The following TTLL5 variants were observed in gnomAD, a reference collection of about 807,000 sequenced individuals.
TTLL5 encodes tubulin polyglutamylase TTLL5.
TTLL5 carries 132 observed loss-of-function variants against 168.4 expected under a neutral mutation model. That is an observed-to-expected ratio of 0.78 (90% CI 0.68 to 0.91). The LOEUF (loss-of-function observed/expected upper bound fraction) is 0.91, where lower values mean the gene tolerates loss of function less well. Among genes scored for constraint, TTLL5 ranks in the 40% least tolerant of loss-of-function variants. The pLI is 0.00. For synonymous variants in TTLL5, 546 were observed against 558.6 expected (o/e 0.98, Z 0.32); for missense variants, 1,545 against 1,581.5 (o/e 0.98, Z 0.39).
intron 26 of TTLL5, among the ~76,000 whole-genome samples, chr14:75,783,884 G>A (rs113726855): frequency 6.6e-6 from 1 of 152,088 alleles, no homozygotes. Flanking sequence ...CCCAACATCA[G>A]ACAAGTTAGT....
At chr14:75,807,174 G>C (rs1261686804) in intron 27 of TTLL5, among the ~76,000 whole-genome samples, 1 of 152,176 alleles carries the variant, frequency 6.6e-6, no homozygotes, top group Non-Finnish European at 1.5e-5. Context: ...ATGGCTGGGT[G>C]CAGTGGCGCA....
intron 28 of TTLL5, among the ~76,000 whole-genome samples, chr14:75,845,669 G>A (rs1896505235): frequency 6.6e-6 from 1 of 152,164 alleles, no homozygotes; most frequent in African/African-American, 2.4e-5. Flanking sequence ...TGTGGGTATT[G>A]TTATCCTCGT....
At chr14:75,700,382 T>C (rs1459465431) in intron 7 of TTLL5, among the ~76,000 whole-genome samples, 1 of 152,204 alleles carries the variant, frequency 6.6e-6, no homozygotes, top group African/African-American at 2.4e-5. Flanking sequence ...GCATGTGCCC[T>C]AAGAAGCAAA....
At chr14:75,930,868 A>G (rs1414927322) in intron 31 of TTLL5, among the ~76,000 whole-genome samples, 1 of 152,222 alleles carries the variant, frequency 6.6e-6, no homozygotes, top group African/African-American at 2.4e-5. Flanking sequence ...GCTTAGAGAA[A>G]TATCATCCAT....
intron 27 of TTLL5, among the ~76,000 whole-genome samples, chr14:75,815,721 G>A (rs1395963705): frequency 6.6e-6 from 1 of 152,156 alleles, no homozygotes; most frequent in East Asian, 1.9e-4. Context: ...AATAATTAAG[G>A]GTAACTAGGA....
intron 27 of TTLL5, among the ~76,000 whole-genome samples, chr14:75,802,089 T>C (rs1023861156): frequency 6.6e-6 from 1 of 152,192 alleles, no homozygotes; most frequent in Admixed American, 6.5e-5. Flanking sequence ...CCTTTTCTAA[T>C]AGGTTTAATT....
chr14:75,757,571 A>G (rs908124528), intron 18 of TTLL5, among the ~76,000 whole-genome samples: 1 of 152,230 alleles, frequency 6.6e-6, no homozygotes, highest in African/African-American at 2.4e-5. Flanking sequence ...TAGATAAGCA[A>G]GTACAAATAA....
intron 7 of TTLL5, among the ~76,000 whole-genome samples, chr14:75,702,751 A>G (rs1019682338): frequency 6.6e-5 from 10 of 152,050 alleles, no homozygotes; most frequent in African/African-American, 2.4e-4. Flanking sequence ...GACCCCCTGC[A>G]TAGATCAAAG....
chr14:75,862,678 C>T (rs1006638497), intron 28 of TTLL5, among the ~76,000 whole-genome samples: 10 of 152,280 alleles, frequency 6.6e-5, no homozygotes, highest in South Asian at 4.1e-4. Context: ...CAGTGGCTCA[C>T]GCCTGCAATC....
chr14:75,817,830 C>CTTTTTTTTTTTTTTTTTTTTTTTTTT (rs1045988787), intron 27 of TTLL5, among the ~76,000 whole-genome samples: 3 of 83,870 alleles, frequency 3.6e-5, no homozygotes, highest in African/African-American at 5.1e-5. Flanking sequence ...CTTTTCTTTT[C>CTTTTTTTTTTTTTTTTTTTTTTTTTT]TTTTTTTTTT....
chr14:75,720,653 C>G lies in TTLL5; in HGVS notation c.992C>G (p.Ala331Gly). The change falls in exon 12 of 32, where the codon GCT (alanine) becomes GGT (glycine). Residue 331 changes from alanine to glycine, a missense_variant. Ala to Gly is a moderately conservative substitution (Grantham distance 60). Transcript: ENST00000298832. ...IIKTIISAELAIATACKTFVP... is the reference protein window; with the variant it reads ...IIKTIISAELGIATACKTFVP... ...AAGACTATAATCTCTGCTGAACTAG[C>G]TATTGCTACTGCCTGTAAAACCTTT... 2 of 1,613,716 alleles carry G rather than the reference C, an allele frequency of 1.2e-6. No individual in the cohort carries two copies. The highest frequency in any genetic ancestry group is 1.7e-6 in the Non-Finnish European group (2 of 1,179,692).
Position 75,835,067 on chromosome 14 carries a change from CCAAACAAA to C in TTLL5, c.3326+14927_3326+14934del, listed in dbSNP as rs148388203. On this transcript the variant is annotated intron_variant, in intron 28 of 31. Transcript: ENST00000298832. ...TGGGCAACAGAGTGAGACCCTGTCT[CCAAACAAA>C]CAAACAAACAAACAAACAAAACAAT... is the stretch of plus-strand genomic sequence containing the variant. Among the ~76,000 whole-genome samples the C allele has an allele frequency of 9.9e-5, 15 of 152,096 alleles. No individual in the cohort carries two copies. The East Asian group carries it at 1.2e-3, about 12-fold the overall frequency.
chr14:75,663,260 G>C, intron 2 of TTLL5, 37 bp downstream of exon 2: 1 of 1,576,392 alleles, frequency 6.3e-7, no homozygotes, highest in Non-Finnish European at 8.7e-7. Flanking sequence ...CCTGTGCTTT[G>C]TACTCTTTCA....
At chr14:75,952,033 T>C (rs28544017) in intron 31 of TTLL5, among the ~76,000 whole-genome samples, 1,719 of 152,316 alleles carry the variant, frequency 0.011, 30 homozygotes, top group African/African-American at 0.04. Flanking sequence ...TTACAAATCA[T>C]GTATATGACA....
intron 28 of TTLL5, among the ~76,000 whole-genome samples, chr14:75,846,190 A>T (rs1480144878): frequency 6.6e-6 from 1 of 152,218 alleles, no homozygotes; most frequent in Non-Finnish European, 1.5e-5. Context: ...CTTGCTTTGT[A>T]TGCTGACTCT....
intron 27 of TTLL5, among the ~76,000 whole-genome samples, chr14:75,814,215 C>G (rs1894242384): frequency 6.6e-6 from 1 of 152,210 alleles, no homozygotes; most frequent in South Asian, 2.1e-4. Context: ...ACCTGTACTA[C>G]TAACAAAAAT....
intron 5 of TTLL5, among the ~76,000 whole-genome samples, chr14:75,688,156 A>T (rs1330231014): frequency 6.6e-6 from 1 of 152,062 alleles, no homozygotes; most frequent in Non-Finnish European, 1.5e-5. Flanking sequence ...TAGCTTCCGG[A>T]TGGGGATTGG....
chr14:75,888,499 C>T (rs1340326556), intron 30 of TTLL5, among the ~76,000 whole-genome samples: 1 of 152,182 alleles, frequency 6.6e-6, no homozygotes, highest in Non-Finnish European at 1.5e-5. Context: ...TTTATGCTAA[C>T]CTCTGACAGA....
chr14:75,937,925 A>G (rs947112467), intron 31 of TTLL5, among the ~76,000 whole-genome samples: 4 of 152,114 alleles, frequency 2.6e-5, no homozygotes, highest in African/African-American at 7.2e-5. Context: ...TTTTTGAGGA[A>G]CCACCATCCT....
Sources: gnomAD v4.1 joint callset for allele counts (sites outside exome capture counted in the v4.1 genomes callset) on GRCh38, gnomAD v4.1.1 for gene constraint, MANE v1.5 for transcripts, NCBI Gene and HGNC (gene_info 2026-07-23, HGNC 2026-07-21) for gene names.